PTPRCAP: variants seen among roughly 807,000 people sequenced by gnomAD.
PTPRCAP encodes the protein protein tyrosine phosphatase receptor type C-associated protein.
For missense variants in PTPRCAP, 294 were observed against 285.5 expected (o/e 1.03, Z -0.22); for synonymous variants, 136 against 135.8 (o/e 1.00, Z -0.01).
intron 1 of PTPRCAP, chr11:67,437,207 G>C (rs527433466): frequency 5.8e-6 from 1 of 172,112 alleles, no homozygotes; most frequent in Non-Finnish European, 1.2e-5. Context: ...GGGGGCTGGG[G>C]GGGGCTGGGG....
chr11:67,437,248 CGGT>C, intron 1 of PTPRCAP: 1 of 214,860 alleles, frequency 4.7e-6, no homozygotes, highest in East Asian at 9.5e-5. Flanking sequence ...AGGAAGTCTG[CGGT>C]CGGAACAGGC....
chr11:67,437,670 T>A lies in PTPRCAP; in HGVS notation c.-51A>T, dbSNP rs1565151685. On this transcript the variant is annotated 5_prime_UTR_variant, in exon 1 of 2. Coordinates refer to ENST00000326294, the MANE Select transcript of PTPRCAP (RefSeq NM_005608.3). ...GCACCCACCTCCAGCTCTGGCTGTG[T>A]CGAGCGAGAAGTGAGCTCAGTGCTC... 7.4e-7 allele frequency: 1 copy of A among 1,351,782 alleles called. No individual in the cohort carries two copies. The highest frequency in any genetic ancestry group is 9.6e-7 in the Non-Finnish European group (1 of 1,042,942). 83.7% of individuals were successfully genotyped at this position (1,351,782 alleles called of 1,614,324 possible).
chr11:67,435,693 G>A lies in PTPRCAP; in HGVS notation c.*40C>T, dbSNP rs759256477. 4.0e-6 allele frequency: 6 copies of A among 1,497,524 alleles called. No homozygotes were observed. In the South Asian group the frequency reaches 6.7e-5, roughly 17 times the overall value. The allele number at this position is 1,497,524 out of a possible 1,614,324, so 92.8% of individuals were successfully genotyped here. A position where few individuals can be genotyped will look rare whatever the true frequency, so the allele number is the denominator to read the frequency against. ...ATCTTGGGAAGCAGAGGCACGGGGA[G>A]TGAGCGGCTGTGACAGGGATGGGAC... On this transcript the variant is annotated 3_prime_UTR_variant, in exon 2 of 2. Coordinates refer to ENST00000326294, the MANE Select transcript of PTPRCAP (RefSeq NM_005608.3).
At chr11:67,436,907 CTCAATAAG>C (rs1490161394) in intron 1 of PTPRCAP, 1 of 152,762 alleles carries the variant, frequency 6.5e-6, no homozygotes, top group Non-Finnish European at 1.5e-5. Context: ...TTAGTAGGTG[CTCAATAAG>C]TATGGATTAA....
chr11:67,436,438 T>C (rs1864282396), intron 1 of PTPRCAP, 88 bp from the exon 2 acceptor site: 1 of 1,376,290 alleles, frequency 7.3e-7, no homozygotes, highest in East Asian at 2.7e-5. Flanking sequence ...ACCACTTTCG[T>C]TTTTTTCTCT....
chr11:67,435,852 TCG>T lies in PTPRCAP; in HGVS notation c.500_501del (p.Ala167GlufsTer7). The T allele has an allele frequency of 6.2e-7, 1 of 1,609,890 alleles. No individual in the cohort carries two copies. Among genetic ancestry groups the T allele is most frequent in the Non-Finnish European group, 8.5e-7 (1 of 1,179,296 alleles). ...AGGGCCTCAGCACTGCCCCCTGCGC[TCG>T]CTGGTCCTGGGGAGCCGAGGACCAG... ...GDLVLGSPGP[A>X]SAGGSAEALL... is the part of the protein sequence containing the mutation. On this transcript the variant is annotated frameshift_variant, in exon 2 of 2. Transcript: ENST00000326294. LOFTEE classifies it high-confidence loss of function.
In PTPRCAP at chr11:67,436,060, C is replaced by T. The variant is rs190012230; in HGVS notation, c.294G>A (p.Gly98=). Residue 98 remains glycine, a synonymous_variant, in exon 2 of 2, where the codon GGG becomes GGA. Coordinates refer to ENST00000326294, the MANE Select transcript of PTPRCAP (RefSeq NM_005608.3). ...GTCGCTCAAGGTCATTGTCTGTGGA[C>T]CCCAGCTCAGCTCGGGCCTGCAGCC... is the stretch of plus-strand genomic sequence containing the variant. ...GRWLQARAEL[G]STDNDLERQE... is the part of the protein sequence containing the mutation. 35 of 1,613,288 alleles carry T rather than the reference C, an allele frequency of 2.2e-5. 1 individual carries two copies. The Admixed American group carries it at 4.8e-4, about 22-fold the overall frequency.
chr11:67,437,335 G>T, intron 1 of PTPRCAP: 1 of 368,630 alleles, frequency 2.7e-6, no homozygotes, highest in East Asian at 3.9e-5. Context: ...GTCCGCCCAG[G>T]CTCCAGGAAT....
Position 67,436,258 on chromosome 11 carries a change from G to T in PTPRCAP, c.96C>A (p.Ser32Arg). 2 of 1,545,030 alleles carry T rather than the reference G, an allele frequency of 1.3e-6. No individual in the cohort carries two copies. The highest frequency in any genetic ancestry group is 4.9e-5 in the East Asian group (2 of 41,082). Residue 32 changes from serine (S) to arginine (R), a missense_variant, in exon 2 of 2, where the codon AGC (serine) becomes AGA (arginine). Ser to Arg is a moderately radical substitution (Grantham distance 110). Coordinates refer to ENST00000326294, the MANE Select transcript of PTPRCAP (RefSeq NM_005608.3). ...GGSAEDSVGS[S>R]SVTVVLLLLL... ...GCAGCAGCAGGACAACGGTGACAGA[G>T]CTGGAGCCCACGCTGTCCTCCGCGC...
At position 67,436,053 on chromosome 11, in the gene PTPRCAP, C is replaced by A; in HGVS notation, c.301G>T (p.Asp101Tyr). The change falls in exon 2 of 2, where the codon GAC becomes TAC. Residue 101 changes from aspartate (D) to tyrosine (Y), a missense_variant. By Grantham distance (160) the Asp-to-Tyr change is radical. Coordinates refer to ENST00000326294, the MANE Select transcript of PTPRCAP (RefSeq NM_005608.3). ...TCCTCCTGTCGCTCAAGGTCATTGT[C>A]TGTGGACCCCAGCTCAGCTCGGGCC... ...LQARAELGST[D>Y]NDLERQEDEQ... 4 of 1,613,446 alleles carry A rather than the reference C, an allele frequency of 2.5e-6. No homozygotes were observed. The highest frequency in any genetic ancestry group is 3.4e-6 in the Non-Finnish European group (4 of 1,179,850).
intron 1 of PTPRCAP, chr11:67,436,676 T>C: frequency 3.4e-6 from 1 of 290,646 alleles, no homozygotes; most frequent in Non-Finnish European, 6.4e-6. Context: ...CATGGCCTGC[T>C]CACCGTGCTC....
chr11:67,435,849 C>T lies in PTPRCAP; in HGVS notation c.505G>A (p.Ala169Thr), dbSNP rs1329023061. The T allele has an allele frequency of 8.1e-6, 13 of 1,609,344 alleles. No individual in the cohort carries two copies. Among genetic ancestry groups the T allele is most frequent in the South Asian group, 6.6e-5 (6 of 90,962 alleles). ...AGCAGGGCCTCAGCACTGCCCCCTG[C>T]GCTCGCTGGTCCTGGGGAGCCGAGG... is the stretch of plus-strand genomic sequence containing the variant. ...LVLGSPGPASAGGSAEALLSD... is the reference protein window; with the variant it reads ...LVLGSPGPASTGGSAEALLSD... The change falls in exon 2 of 2, where the codon GCA becomes ACA. Residue 169 changes from alanine to threonine, a missense_variant. Transcript: ENST00000326294.
chr11:67,436,311 G>C lies in PTPRCAP; in HGVS notation c.43C>G (p.Leu15Val). 1 of 1,518,988 alleles carries C rather than the reference G, an allele frequency of 6.6e-7. No individual in the cohort carries two copies. The allele number at this position is 1,518,988 out of a possible 1,614,324, so 94.1% of individuals were successfully genotyped here. Residue 15 changes from leucine (L) to valine (V), a missense_variant, in exon 2 of 2, where the codon CTG becomes GTG. Leu to Val is a conservative substitution (Grantham distance 32). Coordinates refer to ENST00000326294, the MANE Select transcript of PTPRCAP (RefSeq NM_005608.3). ...CCACCCGAGCCCAAGGCCCCTGGCA[G>C]GGCCAGCAGCATCCCGAGCCCTAAG... ...CTLGLGMLLA[L>V]PGALGSGGSA... is the part of the protein sequence containing the mutation.
At position 67,435,614 on chromosome 11, in the gene PTPRCAP, G is replaced by A. The variant is rs1864249133; in HGVS notation, c.*119C>T. On this transcript the variant is annotated 3_prime_UTR_variant, in exon 2 of 2. Transcript: ENST00000326294. ...ACACATGGACTTGGGAACTGGTAGG[G>A]GGTGACAGTCTGAGGCATGGTCATG... is the stretch of plus-strand genomic sequence containing the variant. The A allele has an allele frequency of 7.0e-7, 1 of 1,430,286 alleles. No homozygotes were observed. 88.6% of individuals were successfully genotyped at this position (1,430,286 alleles called of 1,614,324 possible).
chr11:67,436,721 A>C, intron 1 of PTPRCAP: 1 of 220,148 alleles, frequency 4.5e-6, no homozygotes. Context: ...CCTGACCTTA[A>C]CCTCTACCCT....
rs541326944 is a variant in PTPRCAP at position 67,436,436 on chromosome 11, C to T, written c.4-86G>A. The T allele has an allele frequency of 5.3e-5, 73 of 1,388,662 alleles. 1 individual carries two copies. The East Asian group carries it at 6.4e-4, about 12-fold the overall frequency. 86.0% of individuals were successfully genotyped at this position (1,388,662 alleles called of 1,614,324 possible). A position where few individuals can be genotyped will look rare whatever the true frequency, so the allele number is the denominator to read the frequency against. ...CAGGCTGGGTGACCAAGACCACTTT[C>T]GTTTTTTTCTCTTTGGGATCCTCTT... On this transcript the variant is annotated intron_variant, in intron 1 of 1. Transcript: ENST00000326294.
intron 1 of PTPRCAP, chr11:67,436,605 A>T (rs1276792390): frequency 7.3e-6 from 3 of 408,458 alleles, no homozygotes; most frequent in Middle Eastern, 6.2e-4. Flanking sequence ...GGGCCTTCGC[A>T]CTGGCTGTTC....
At position 67,436,188 on chromosome 11, in the gene PTPRCAP, G is replaced by A. The variant is rs758544626; in HGVS notation, c.166C>T (p.Arg56Cys). 2.3e-5 allele frequency: 36 copies of A among 1,554,290 alleles called. No homozygotes were observed. Among genetic ancestry groups the A allele is most frequent in the Non-Finnish European group, 2.8e-5 (32 of 1,150,894 alleles). The change falls in exon 2 of 2, where the codon CGC (arginine) becomes TGC (cysteine). Residue 56 changes from arginine (R) to cysteine (C), a missense_variant. By Grantham distance (180) the Arg-to-Cys change is radical. Transcript: ENST00000326294. ...TAGCCCCCTGAGTCACGGCTGAGGCGGCGCCAGGCCAGTGCTAGGCCAGTG... is the reference window on the plus strand; with the variant it reads ...TAGCCCCCTGAGTCACGGCTGAGGCAGCGCCAGGCCAGTGCTAGGCCAGTG... Reference protein sequence around the residue: ...LATGLALAWRRLSRDSGGYYH... With the variant: ...LATGLALAWRCLSRDSGGYYH...
In PTPRCAP at chr11:67,436,457, C is replaced by T. The variant is rs1162385637; in HGVS notation, c.4-107G>A. ...CTTTCGTTTTTTTCTCTTTGGGATC[C>T]TCTTGGGACAGCCAAGCAGAAAAGG... On this transcript the variant is annotated intron_variant, in intron 1 of 1. Coordinates refer to ENST00000326294, the MANE Select transcript of PTPRCAP (RefSeq NM_005608.3). The T allele has an allele frequency of 3.9e-6, 5 of 1,293,018 alleles. No homozygotes were observed. The African/African-American group carries it at 7.6e-5, about 20-fold the overall frequency. The allele number at this position is 1,293,018 out of a possible 1,614,324, so 80.1% of individuals were successfully genotyped here. A position where few individuals can be genotyped will look rare whatever the true frequency, so the allele number is the denominator to read the frequency against.
Sources: gnomAD v4.1 joint callset for allele counts on GRCh38, gnomAD v4.1.1 for gene constraint, MANE v1.5 for transcripts, NCBI Gene and HGNC (gene_info 2026-07-23, HGNC 2026-07-21) for gene names.